The following SGCZ variants were observed in gnomAD, a reference collection of about 807,000 sequenced individuals.
SGCZ encodes the protein sarcoglycan zeta, also known as zeta-sarcoglycan.
A neutral mutation model predicts 41.3 loss-of-function variants in SGCZ; 40 were observed. That is an observed-to-expected ratio of 0.97 (90% CI 0.75 to 1.26). The LOEUF is 1.26. SGCZ is among the 50% of genes most tolerant of loss of function. SGCZ has a pLI of 0.00. For missense variants in SGCZ, 552 were observed against 369.8 expected (o/e 1.49, Z -4.04); for synonymous variants, 206 against 137.5 (o/e 1.50, Z -3.49).
At chr8:14,802,803 T>A (rs1801367698) in intron 1 of SGCZ, among the ~76,000 whole-genome samples, 1 of 152,180 alleles carries the variant, frequency 6.6e-6, no homozygotes, top group South Asian at 2.1e-4. Flanking sequence ...GAGGAGCGAA[T>A]GTTCCAAGAA....
At chr8:14,098,987 A>G (rs1018113833) in intron 7 of SGCZ, among the ~76,000 whole-genome samples, 4 of 152,158 alleles carry the variant, frequency 2.6e-5, no homozygotes, top group African/African-American at 7.2e-5. Flanking sequence ...TTAAAATTCC[A>G]TAAGTTTCTG....
At chr8:14,364,975 C>T (rs1327640824) in intron 2 of SGCZ, among the ~76,000 whole-genome samples, 3 of 152,062 alleles carry the variant, frequency 2.0e-5, no homozygotes, top group African/African-American at 7.2e-5. Flanking sequence ...TCTCATGTTT[C>T]ATCTATCAGA....
chr8:15,236,957 C>T (rs1291999140), intron 1 of SGCZ, among the ~76,000 whole-genome samples: 2 of 152,218 alleles, frequency 1.3e-5, no homozygotes, highest in Non-Finnish European at 2.9e-5. Context: ...GGGGCTAGGG[C>T]AGGCTAGCCG....
chr8:15,235,408 C>T (rs918216106), intron 1 of SGCZ, among the ~76,000 whole-genome samples: 16 of 152,154 alleles, frequency 1.1e-4, no homozygotes. Flanking sequence ...GTAGCTTGTC[C>T]TTGACATAAT....
At chr8:14,487,170 G>T (rs193007162) in intron 2 of SGCZ, among the ~76,000 whole-genome samples, 23 of 152,230 alleles carry the variant, frequency 1.5e-4, no homozygotes, top group African/African-American at 5.1e-4. Context: ...TTAGCTGTAT[G>T]ATCATGGTCC....
At chr8:15,211,196 T>C (rs931168399) in intron 1 of SGCZ, among the ~76,000 whole-genome samples, 1 of 151,642 alleles carries the variant, frequency 6.6e-6, no homozygotes, top group Non-Finnish European at 1.5e-5. Flanking sequence ...CCTACAGATA[T>C]CAACAGACAG....
chr8:14,445,762 A>G (rs187476368), intron 2 of SGCZ, among the ~76,000 whole-genome samples: 175 of 152,276 alleles, frequency 1.1e-3, no homozygotes, highest in Middle Eastern at 3.4e-3. Context: ...CAAGGGGTCA[A>G]CTGAGCTGTT....
chr8:14,167,801 T>C (rs938181180), intron 4 of SGCZ, among the ~76,000 whole-genome samples: 7 of 152,160 alleles, frequency 4.6e-5, no homozygotes, highest in Non-Finnish European at 8.8e-5. Flanking sequence ...CATTCACATC[T>C]GTTGCAGTCT....
intron 1 of SGCZ, among the ~76,000 whole-genome samples, chr8:14,848,486 G>T (rs1803208814): frequency 6.6e-6 from 1 of 152,138 alleles, no homozygotes. Flanking sequence ...ACACACTGTT[G>T]TATTAGAGAA....
intron 3 of SGCZ, among the ~76,000 whole-genome samples, chr8:14,307,722 G>A (rs982017159): frequency 3.3e-5 from 5 of 152,082 alleles, no homozygotes; most frequent in Admixed American, 1.3e-4. Flanking sequence ...ACAAAGTGGT[G>A]ATTTTTTTCA....
intron 2 of SGCZ, among the ~76,000 whole-genome samples, chr8:14,531,097 T>A (rs767725733): frequency 1.4e-4 from 21 of 152,028 alleles, no homozygotes; most frequent in Non-Finnish European, 2.8e-4. Context: ...TCTTGTTTGG[T>A]ATACTCAGCC....
chr8:15,089,471 T>G (rs1261731471), intron 1 of SGCZ, among the ~76,000 whole-genome samples: 1 of 152,060 alleles, frequency 6.6e-6, no homozygotes, highest in African/African-American at 2.4e-5. Flanking sequence ...TTTTTTTTAA[T>G]GAGACTTTCC....
chr8:14,250,560 C>A (rs372318748), intron 3 of SGCZ, among the ~76,000 whole-genome samples: 1 of 152,024 alleles, frequency 6.6e-6, no homozygotes, highest in East Asian at 1.9e-4. Flanking sequence ...GGTCCTAGAG[C>A]GATATGGAAC....
chr8:14,897,490 AG>A (rs920016423), intron 1 of SGCZ, among the ~76,000 whole-genome samples: 1 of 152,158 alleles, frequency 6.6e-6, no homozygotes, highest in African/African-American at 2.4e-5. Context: ...CTGTTCTCAC[AG>A]GATTCTTTCC....
rs572562549 is a variant in SGCZ, at chr8:14,316,106, C to G, written c.336+7997G>C. On this transcript the variant is annotated intron_variant, in intron 3 of 7. Transcript: ENST00000382080. ...AGGCAATTTCATGGTGGAATTAAAT[C>G]ATACCTTTAAGAACAAGTAATCCTA... 7.0e-4 allele frequency among the ~76,000 whole-genome samples: 107 copies of G among 151,914 alleles called. 2 individuals carry two copies. The South Asian group carries it at 0.022, about 31-fold the overall frequency.
At chr8:14,257,996 T>G (rs1307424387) in intron 3 of SGCZ, among the ~76,000 whole-genome samples, 1 of 152,186 alleles carries the variant, frequency 6.6e-6, no homozygotes, top group Non-Finnish European at 1.5e-5. Flanking sequence ...AAATGAAATG[T>G]CGGGGGAATT....
chr8:14,542,447 C>G (rs1350738538), intron 2 of SGCZ, among the ~76,000 whole-genome samples: 2 of 151,946 alleles, frequency 1.3e-5, no homozygotes, highest in Admixed American at 6.6e-5. Flanking sequence ...GGAAAAGGAA[C>G]AGAGAAACAA....
intron 3 of SGCZ, among the ~76,000 whole-genome samples, chr8:14,260,038 A>T (rs1233195488): frequency 6.6e-6 from 1 of 152,086 alleles, no homozygotes; most frequent in African/African-American, 2.4e-5. Context: ...CATCCCTTGT[A>T]AGTTGGATTC....
At chr8:14,958,073 C>A (rs1800847888) in intron 1 of SGCZ, among the ~76,000 whole-genome samples, 1 of 152,032 alleles carries the variant, frequency 6.6e-6, no homozygotes, top group Admixed American at 6.6e-5. Context: ...GCATTTTACT[C>A]ATGAAAGAAT....
Sources: allele counts gnomAD v4.1 joint callset (sites outside exome capture counted in the v4.1 genomes callset), GRCh38; gene constraint gnomAD v4.1.1; transcripts MANE v1.5; gene names NCBI Gene and HGNC (gene_info 2026-07-23, HGNC 2026-07-21).